Variants in SLC45A4 observed in about 807,000 individuals in gnomAD.
SLC45A4 encodes polyamine-transporter SLC45A4.
Under a neutral mutation model 63.7 loss-of-function variants are expected in SLC45A4, and 32 were observed. The observed-to-expected ratio is 0.50, with a 90% CI of 0.38 to 0.67. SLC45A4 has a LOEUF of 0.67. SLC45A4 is among the 30% of genes least tolerant of loss of function. The probability of loss-of-function intolerance (pLI) is 0.00; values close to 1 mark genes in which losing one functional copy is unlikely to be tolerated. For synonymous variants in SLC45A4, 535 were observed against 510.0 expected (o/e 1.05, Z -0.66); for missense variants, 1,027 against 1,157.7 (o/e 0.89, Z 1.64).
At chr8:141,260,057 C>G (rs1055498039) in intron 1 of SLC45A4, among the ~76,000 whole-genome samples, 88 of 152,264 alleles carry the variant, frequency 5.8e-4, no homozygotes, top group African/African-American at 2.0e-3. Context: ...CCGGTGTCAC[C>G]TGTTACGCAA....
intron 2 of SLC45A4, among the ~76,000 whole-genome samples, chr8:141,238,329 A>G (rs889511310): frequency 4.6e-5 from 7 of 151,792 alleles, no homozygotes; most frequent in African/African-American, 1.7e-4. Flanking sequence ...TATACACAAC[A>G]TCGAATTGAC....
intron 2 of SLC45A4, among the ~76,000 whole-genome samples, chr8:141,250,807 G>A (rs140019977): frequency 1.3e-5 from 2 of 152,174 alleles, no homozygotes; most frequent in East Asian, 3.8e-4. Flanking sequence ...ACATACCCCC[G>A]TTGCAAGTTG....
At chr8:141,307,054 A>G (rs1287218523) in intron 1 of SLC45A4, among the ~76,000 whole-genome samples, 1 of 152,188 alleles carries the variant, frequency 6.6e-6, no homozygotes, top group African/African-American at 2.4e-5. Context: ...GGAGAGACAC[A>G]AACACCTCAG....
intron 1 of SLC45A4, among the ~76,000 whole-genome samples, chr8:141,290,204 A>AC (rs1220475687): frequency 3.9e-5 from 6 of 151,908 alleles, no homozygotes; most frequent in Non-Finnish European, 2.9e-5. Context: ...AAAGGAATCT[A>AC]TTTTTTTTAA....
At position 141,241,131 on chromosome 8, in the gene SLC45A4, G is replaced by C. The variant is rs532029636; in HGVS notation, c.241+12858C>G. On this transcript the variant is annotated intron_variant, in intron 2 of 8. Coordinates refer to ENST00000517878, the MANE Select transcript of SLC45A4 (RefSeq NM_001286646.2). ...TACATATTTTTAAAAGTCTCCTCCA[G>C]AAGTGCATCGTTCAATAAATGGTGT... is the stretch of plus-strand genomic sequence containing the variant. 2.0e-5 allele frequency among the ~76,000 whole-genome samples: 3 copies of C among 152,376 alleles called. No homozygotes were observed. In the South Asian group the frequency reaches 6.2e-4, roughly 32 times the overall value.
chr8:141,300,175 G>C, intron 1 of SLC45A4, among the ~76,000 whole-genome samples: 1 of 152,172 alleles, frequency 6.6e-6, no homozygotes. Flanking sequence ...TAAAACTTCA[G>C]CCGGACCCAC....
At chr8:141,291,951 C>T (rs1341630479) in intron 1 of SLC45A4, among the ~76,000 whole-genome samples, 4 of 152,254 alleles carry the variant, frequency 2.6e-5, no homozygotes, top group African/African-American at 9.6e-5. Flanking sequence ...ATGTTAGGTT[C>T]AAAGAAGCGG....
chr8:141,298,271 T>C (rs900375801), intron 1 of SLC45A4, among the ~76,000 whole-genome samples: 4 of 152,272 alleles, frequency 2.6e-5, no homozygotes, highest in African/African-American at 9.6e-5. Context: ...AAGAAGTTTT[T>C]AAGAAGAACA....
At position 141,215,263 on chromosome 8, in the gene SLC45A4, G is replaced by A. The variant is rs551702165; in HGVS notation, c.1941+496C>T. Reference sequence around the variant, plus strand: ...TTTCAACGATGAGCAAGAGTGTAAGGTATCTCGATGACTTTTTTCATATAG... The same window carrying A: ...TTTCAACGATGAGCAAGAGTGTAAGATATCTCGATGACTTTTTTCATATAG... On this transcript the variant is annotated intron_variant, in intron 7 of 8. Coordinates refer to ENST00000517878, the MANE Select transcript of SLC45A4 (RefSeq NM_001286646.2). This position sits in a 1 kb window ranked among gnomAD's most constrained non-coding sequence, Gnocchi z 4.3. Among the ~76,000 whole-genome samples, 6 of 152,294 alleles carry A rather than the reference G, an allele frequency of 3.9e-5. No homozygotes were observed. In the South Asian group the frequency reaches 1.2e-3, roughly 32 times the overall value.
chr8:141,277,609 T>TA lies in SLC45A4; in HGVS notation c.-400-22981dup, dbSNP rs35641074. 8.4e-3 allele frequency among the ~76,000 whole-genome samples: 1,242 copies of TA among 148,614 alleles called. 16 individuals are homozygous for TA. The highest frequency in any genetic ancestry group is 0.026 in the African/African-American group (1,067 of 40,704). On this transcript the variant is annotated intron_variant, in intron 1 of 8. Coordinates refer to ENST00000517878, the MANE Select transcript of SLC45A4 (RefSeq NM_001286646.2). ...ACTAAAAAGTCCACCCTTTTACTCT[T>TA]AAAAAAAAAAATCTTCAAATTGTGT... is the stretch of plus-strand genomic sequence containing the variant.
intron 8 of SLC45A4, 152 bp downstream of exon 8, chr8:141,212,045 G>C: frequency 7.3e-7 from 1 of 1,361,864 alleles, no homozygotes; most frequent in Non-Finnish European, 9.4e-7. Flanking sequence ...GTGGCTATGG[G>C]GGCGGAGGGG....
intron 1 of SLC45A4, among the ~76,000 whole-genome samples, chr8:141,270,393 G>T (rs1411625033): frequency 7.0e-6 from 1 of 142,894 alleles, no homozygotes; most frequent in African/African-American, 2.6e-5. Context: ...AAAAAAAAAG[G>T]CTCGGCGCGG....
At chr8:141,221,895 G>T in intron 2 of SLC45A4, 130 bp from the exon 3 acceptor site, 1 of 936,776 alleles carries the variant, frequency 1.1e-6, no homozygotes, top group Non-Finnish European at 1.6e-6. Context: ...TGCTCAGGTT[G>T]TCTCCACGGG....
chr8:141,292,448 C>T (rs533640830), intron 1 of SLC45A4, among the ~76,000 whole-genome samples: 21 of 152,376 alleles, frequency 1.4e-4, no homozygotes, highest in East Asian at 9.6e-4. Flanking sequence ...CACAGAGCCC[C>T]GCACGCGCCC....
intron 4 of SLC45A4, 72 bp downstream of exon 4, chr8:141,219,578 T>C: frequency 6.6e-7 from 1 of 1,511,168 alleles, no homozygotes; most frequent in Non-Finnish European, 8.9e-7. Context: ...CAACACAGGC[T>C]CCTGTCCCCT....
At position 141,278,891 on chromosome 8, in the gene SLC45A4, G is replaced by T. The variant is rs968679744; in HGVS notation, c.-400-24262C>A. Among the ~76,000 whole-genome samples the T allele has an allele frequency of 2.6e-5, 4 of 152,204 alleles. No individual in the cohort carries two copies. The highest frequency in any genetic ancestry group is 7.2e-5 in the African/African-American group (3 of 41,444). ...GGCACATTTCACTGCCAGGCTGCTG[G>T]GGGCCAGGGCTCCAGCCTCCAGGGC... is the stretch of plus-strand genomic sequence containing the variant. On this transcript the variant is annotated intron_variant, in intron 1 of 8. Transcript: ENST00000517878. This position sits in a 1 kb window ranked among gnomAD's most constrained non-coding sequence, Gnocchi z 4.1.
chr8:141,249,623 G>C (rs1828372672), intron 2 of SLC45A4, among the ~76,000 whole-genome samples: 1 of 152,158 alleles, frequency 6.6e-6, no homozygotes. Flanking sequence ...CCTAATGGTG[G>C]CAGCCACACC....
chr8:141,218,569 G>C lies in SLC45A4; in HGVS notation c.1071C>G (p.Pro357=), dbSNP rs146766999. 6.2e-7 allele frequency: 1 copy of C among 1,613,422 alleles called. No homozygotes were observed. The highest frequency in any genetic ancestry group is 1.1e-5 in the South Asian group (1 of 91,094). Residue 357 remains proline (P), a synonymous_variant, in exon 5 of 9, where the codon CCC becomes CCG. Coordinates refer to ENST00000517878, the MANE Select transcript of SLC45A4 (RefSeq NM_001286646.2). ...CTTCCTTGAGGAAGGTGGCCAGGCG[G>C]GGCAGCTTGGTCTTGGCGAGCTCCT... ...TSQELAKTKL[P]RLATFLKEAA...
At position 141,233,358 on chromosome 8, in the gene SLC45A4, A is replaced by C. The variant is rs78810055; in HGVS notation, c.242-11593T>G. Among the ~76,000 whole-genome samples the C allele has an allele frequency of 0.027, 4,080 of 152,294 alleles. 407 individuals carry two copies. The East Asian group carries it at 0.3, about 11-fold the overall frequency. On this transcript the variant is annotated intron_variant, in intron 2 of 8. Coordinates refer to ENST00000517878, the MANE Select transcript of SLC45A4 (RefSeq NM_001286646.2). ...AATTCTTACTGATGGTTACTATTGC[A>C]GTTTATCAATAAAGATCTTGGGTAT...
Sources: gnomAD v4.1 joint callset for allele counts (sites outside exome capture counted in the v4.1 genomes callset) on GRCh38, gnomAD v4.1.1 for gene constraint, Gnocchi (gnomAD v3.1) non-coding constraint, MANE v1.5 for transcripts, NCBI Gene and HGNC (gene_info 2026-07-23, HGNC 2026-07-21) for gene names.